SPAG9: variants seen among roughly 807,000 people sequenced by gnomAD.
The protein encoded by SPAG9 is sperm associated antigen 9, also known as C-Jun-amino-terminal kinase-interacting protein 4.
Under a neutral mutation model 166.5 loss-of-function variants are expected in SPAG9, and 35 were observed. The observed-to-expected ratio is 0.21, with a 90% confidence interval of 0.16 to 0.28. The LOEUF (loss-of-function observed/expected upper bound fraction) is 0.28. Ranked by LOEUF, SPAG9 falls within the 10% of genes least tolerant of loss-of-function variation. The pLI is 1.00. For missense variants in SPAG9, 1,235 were observed against 1,603.3 expected (o/e 0.77, Z 3.92); for synonymous variants, 534 against 565.5 (o/e 0.94, Z 0.79).
chr17:51,059,096 A>T lies in SPAG9; in HGVS notation c.425-2614T>A, dbSNP rs565670448. Among the ~76,000 whole-genome samples the T allele has an allele frequency of 7.2e-5, 11 of 152,324 alleles. No homozygotes were observed. In the South Asian group the frequency reaches 2.3e-3, roughly 32 times the overall value. On this transcript the variant is annotated intron_variant, in intron 2 of 29. Coordinates refer to ENST00000262013, the MANE Select transcript of SPAG9 (RefSeq NM_001130528.3). Reference sequence around the variant, plus strand: ...ATTATTGCCACACACAACATCATGGACCAATAGCACAAATATGATATTGAA... The same window carrying T: ...ATTATTGCCACACACAACATCATGGTCCAATAGCACAAATATGATATTGAA...
At chr17:51,057,071 G>A (rs920895324) in intron 2 of SPAG9, among the ~76,000 whole-genome samples, 3 of 152,166 alleles carry the variant, frequency 2.0e-5, no homozygotes, top group Non-Finnish European at 4.4e-5. Flanking sequence ...GATTCCACAG[G>A]AAAGAATAAC....
chr17:50,990,286 C>T (rs1567969089), intron 20 of SPAG9, 164 bp downstream of exon 20: 3 of 624,412 alleles, frequency 4.8e-6, no homozygotes, highest in Admixed American at 5.4e-5. Flanking sequence ...CCTTGGCCTC[C>T]CAGAGTGCTG....
At chr17:51,031,501 T>C in intron 6 of SPAG9, 180 bp downstream of exon 6, 1 of 575,022 alleles carries the variant, frequency 1.7e-6, no homozygotes, top group Non-Finnish European at 3.1e-6. Context: ...AAATTACAGA[T>C]TGCAGTAAAG....
intron 11 of SPAG9, among the ~76,000 whole-genome samples, chr17:51,005,589 G>C (rs540477883): frequency 4.6e-5 from 7 of 152,218 alleles, no homozygotes; most frequent in Admixed American, 2.0e-4. Flanking sequence ...AGTGGCTCAC[G>C]CCTGTAATCC....
chr17:50,991,689 T>G (rs963323402), intron 19 of SPAG9, among the ~76,000 whole-genome samples: 1 of 151,704 alleles, frequency 6.6e-6, no homozygotes, highest in Admixed American at 6.6e-5. Flanking sequence ...AATGGTACAG[T>G]CTCGGCTCAC....
chr17:51,095,978 T>TAGTTATATATATATAGTG (rs2048622788), intron 1 of SPAG9, among the ~76,000 whole-genome samples: 3 of 47,154 alleles, frequency 6.4e-5, no homozygotes, highest in Non-Finnish European at 1.4e-4. Context: ...TATAGTGATA[T>TAGTTATATATATATAGTG]ATATATATAT....
intron 1 of SPAG9, among the ~76,000 whole-genome samples, chr17:51,117,049 G>A (rs776867695): frequency 4.6e-5 from 7 of 152,068 alleles, no homozygotes; most frequent in Non-Finnish European, 7.4e-5. Flanking sequence ...ATCTGAAACC[G>A]GTCCAAATCT....
At chr17:51,108,841 T>A (rs1253144818) in intron 1 of SPAG9, among the ~76,000 whole-genome samples, 1 of 151,996 alleles carries the variant, frequency 6.6e-6, no homozygotes, top group African/African-American at 2.4e-5. Flanking sequence ...ATTTTTATTT[T>A]TTTTTGAGAC....
intron 4 of SPAG9, chr17:51,046,451 A>T: frequency 7.2e-7 from 1 of 1,390,894 alleles, no homozygotes. Flanking sequence ...TGAGCTAAAA[A>T]TTTAATAAAA....
At chr17:51,080,311 T>A (rs62752860) in intron 1 of SPAG9, among the ~76,000 whole-genome samples, 2 of 151,462 alleles carry the variant, frequency 1.3e-5, no homozygotes, top group South Asian at 2.1e-4. Context: ...TTTTTTTTTT[T>A]AATTTGGCTA....
chr17:50,972,451 T>C (rs1480842039), intron 28 of SPAG9, among the ~76,000 whole-genome samples: 1 of 152,242 alleles, frequency 6.6e-6, no homozygotes, highest in Admixed American at 6.5e-5. Context: ...GTGCTGTTTG[T>C]TCTAAAGCTT....
At chr17:51,064,590 CA>C (rs896567796) in intron 2 of SPAG9, among the ~76,000 whole-genome samples, 2 of 152,244 alleles carry the variant, frequency 1.3e-5, no homozygotes, top group African/African-American at 4.8e-5. Flanking sequence ...AAGCCAGTCA[CA>C]AAAGACCATA....
chr17:51,102,404 C>CA (rs1176687263), intron 1 of SPAG9, among the ~76,000 whole-genome samples: 9,880 of 79,794 alleles, frequency 0.12, 352 homozygotes, highest in Middle Eastern at 0.15. Flanking sequence ...ACTCTGTCTG[C>CA]AAAAAAAAAA....
intron 1 of SPAG9, among the ~76,000 whole-genome samples, chr17:51,107,765 A>G (rs2144764521): frequency 6.6e-6 from 1 of 151,728 alleles, no homozygotes; most frequent in East Asian, 1.9e-4. Flanking sequence ...AAAAGGCAAT[A>G]ATAGATGTTG....
chr17:51,104,285 T>C (rs2048880616), intron 1 of SPAG9, among the ~76,000 whole-genome samples: 1 of 152,176 alleles, frequency 6.6e-6, no homozygotes. Context: ...TTGTCTGTTT[T>C]ACTCACCACT....
At chr17:51,103,014 A>G (rs1187328832) in intron 1 of SPAG9, among the ~76,000 whole-genome samples, 1 of 152,192 alleles carries the variant, frequency 6.6e-6, no homozygotes, top group Non-Finnish European at 1.5e-5. Context: ...AATAGTAAGT[A>G]TAAGGCAATG....
At chr17:50,984,517 TCTA>T (rs1324515238) in intron 24 of SPAG9, among the ~76,000 whole-genome samples, 8 of 152,166 alleles carry the variant, frequency 5.3e-5, no homozygotes, top group Middle Eastern at 3.4e-3. Context: ...AAACCCTGTC[TCTA>T]CTGAAAATAC....
At chr17:51,043,836 T>C (rs1475148586) in intron 4 of SPAG9, among the ~76,000 whole-genome samples, 1 of 152,162 alleles carries the variant, frequency 6.6e-6, no homozygotes, top group East Asian at 1.9e-4. Flanking sequence ...TTTTCACACA[T>C]AACAAATATT....
chr17:51,057,074 A>G (rs2144522724), intron 2 of SPAG9, among the ~76,000 whole-genome samples: 1 of 152,346 alleles, frequency 6.6e-6, no homozygotes, highest in Admixed American at 6.5e-5. Flanking sequence ...TCCACAGGAA[A>G]GAATAACTGA....
Sources: gnomAD v4.1 joint callset for allele counts (sites outside exome capture counted in the v4.1 genomes callset) on GRCh38, gnomAD v4.1.1 for gene constraint, MANE v1.5 for transcripts, NCBI Gene and HGNC (gene_info 2026-07-23, HGNC 2026-07-21) for gene names.